The following RIF1 variants were observed in gnomAD, a reference collection of about 807,000 sequenced individuals.
RIF1 encodes the protein replication timing regulatory factor 1, also known as telomere-associated protein RIF1.
Under a neutral mutation model 247.1 loss-of-function variants are expected in RIF1, and 45 were observed. The observed-to-expected ratio is 0.18, with a 90% CI of 0.14 to 0.23. The LOEUF (loss-of-function observed/expected upper bound fraction) is 0.23, where lower values mean the gene tolerates loss of function less well. Ranked by LOEUF, RIF1 falls within the 10% of genes least tolerant of loss-of-function variation. RIF1 has a pLI of 1.00. For synonymous variants in RIF1, 1,087 were observed against 978.8 expected (o/e 1.11, Z -2.06); for missense variants, 2,967 against 2,862.5 (o/e 1.04, Z -0.83).
chr2:151,429,341 C>T (rs908787094), intron 9 of RIF1, among the ~76,000 whole-genome samples: 1 of 152,080 alleles, frequency 6.6e-6, no homozygotes, highest in African/African-American at 2.4e-5. Context: ...CCACTACACC[C>T]GGCTAATTTG....
At chr2:151,415,621 C>G (rs987422285) in intron 4 of RIF1, among the ~76,000 whole-genome samples, 1 of 147,372 alleles carries the variant, frequency 6.8e-6, no homozygotes, top group African/African-American at 2.5e-5. Flanking sequence ...TGCCTGTAAT[C>G]CCAGCACTTT....
intron 9 of RIF1, chr2:151,495,050 C>T (rs888879276): frequency 2.0e-5 from 3 of 152,258 alleles, no homozygotes; most frequent in African/African-American, 7.2e-5. Context: ...GTTTCCCCTA[C>T]CCTCTTTTTC....
rs766060407 is a variant in RIF1 at position 151,416,567 on chromosome 2, A to G, written c.287A>G (p.Asn96Ser). The change falls in exon 5 of 36, where the codon AAT becomes AGT. Residue 96 changes from asparagine (N) to serine (S), a missense_variant. Around this residue, in one of 7 missense-constraint regions of RIF1, gnomAD observed 269 missense variants for 288.6 expected, o/e 0.93. Transcript: ENST00000444746. ...AAAACTGCTTGTTTTTCAGAGGCAAATGCTCTAGAATTGCTTTCAAAATTG... is the reference window on the plus strand; with the variant it reads ...AAAACTGCTTGTTTTTCAGAGGCAAGTGCTCTAGAATTGCTTTCAAAATTG... Reference protein sequence around the residue: ...PKITSELSEANALELLSKLND... With the variant: ...PKITSELSEASALELLSKLND... 5 of 1,590,970 alleles carry G rather than the reference A, an allele frequency of 3.1e-6. No individual in the cohort carries two copies. Among genetic ancestry groups the G allele is most frequent in the East Asian group, 4.5e-5 (2 of 44,656 alleles).
chr2:151,519,448 G>A, the RIF1 span, among the ~76,000 whole-genome samples: 7 of 152,202 alleles, frequency 4.6e-5, no homozygotes, highest in African/African-American at 1.2e-4. Context: ...ACAAAAAGTA[G>A]ATAAGAGGTT....
the RIF1 span, among the ~76,000 whole-genome samples, chr2:151,522,267 GA>G: frequency 6.6e-6 from 1 of 152,102 alleles, no homozygotes; most frequent in East Asian, 1.9e-4. Context: ...ACAGTCCCGA[GA>G]ATTAGAAAAG....
At chr2:151,498,291 C>T in intron 10 of RIF1, 1 of 1,551,532 alleles carries the variant, frequency 6.4e-7, no homozygotes, top group Non-Finnish European at 8.7e-7. Context: ...GTGTTTGACT[C>T]TCTGCATCTC....
intron 10 of RIF1, chr2:151,499,302 C>G: frequency 6.7e-7 from 1 of 1,484,642 alleles, no homozygotes; most frequent in Non-Finnish European, 9.1e-7. Flanking sequence ...AAATACCGAA[C>G]TAAAGTTTTC....
chr2:151,459,968 T>C (rs1695873248), intron 25 of RIF1, 32 bp from the exon 26 acceptor site: 1 of 1,480,144 alleles, frequency 6.8e-7, no homozygotes, highest in Admixed American at 2.4e-5. Flanking sequence ...ACCGTTCTAT[T>C]TAATGAAATT....
At chr2:151,521,339 C>T in the RIF1 span, among the ~76,000 whole-genome samples, 217 of 152,220 alleles carry the variant, frequency 1.4e-3, 1 homozygote, top group African/African-American at 5.0e-3. Flanking sequence ...CTGAGACACA[C>T]AAAGTAAAGG....
At chr2:151,506,427 A>T (rs2068903362) in intron 13 of RIF1, 5 of 597,004 alleles carry the variant, frequency 8.4e-6, no homozygotes, top group Non-Finnish European at 1.5e-5. Flanking sequence ...TCAGTGACTC[A>T]GACCAGTTAT....
At position 151,501,368 on chromosome 2, in the gene RIF1, T is replaced by A. The variant is rs2064404059; in HGVS notation, c.*710-1666T>A. The A allele has an allele frequency of 2.1e-6, 3 of 1,438,684 alleles. No individual in the cohort carries two copies. In the East Asian group the frequency reaches 7.4e-5, roughly 36 times the overall value. The allele number at this position is 1,438,684 out of a possible 1,614,324, so 89.1% of individuals were successfully genotyped here. On this transcript the variant is annotated intron_variant and NMD_transcript_variant, in intron 11 of 13. Coordinates refer to the RIF1 transcript ENST00000454583. ...GAAATTATTATTTTTTAATATGGAGTTAAAGAGCTTTCTCCCAAATACCGA... is the reference window on the plus strand; with the variant it reads ...GAAATTATTATTTTTTAATATGGAGATAAAGAGCTTTCTCCCAAATACCGA...
intron 10 of RIF1, chr2:151,498,378 C>A: frequency 2.7e-6 from 4 of 1,472,800 alleles, no homozygotes; most frequent in Admixed American, 4.2e-5. Context: ...GCATCCAGAA[C>A]AAAAAAAGCA....
chr2:151,503,222 A>G, intron 12 of RIF1: 1 of 710,162 alleles, frequency 1.4e-6, no homozygotes, highest in Non-Finnish European at 2.4e-6. Context: ...TTGGTCAGGT[A>G]ATAATACACA....
chr2:151,509,796 G>T (rs1423935800), downstream of RIF1, among the ~76,000 whole-genome samples: 1 of 152,062 alleles, frequency 6.6e-6, no homozygotes, highest in East Asian at 1.9e-4. Context: ...ACCAGCTAAT[G>T]ATGGGGTTTC....
At chr2:151,502,373 T>TAAAC (rs1203353906) in intron 11 of RIF1, among the ~76,000 whole-genome samples, 1 of 127,348 alleles carries the variant, frequency 7.9e-6, no homozygotes, top group Admixed American at 9.0e-5. Context: ...GAAAAATAAA[T>TAAAC]AAACATCTAA....
chr2:151,443,207 C>G, intron 16 of RIF1, 52 bp from the exon 17 acceptor site: 1 of 1,139,104 alleles, frequency 8.8e-7, no homozygotes, highest in Non-Finnish European at 1.3e-6. Flanking sequence ...TTATAAAAAA[C>G]AAATGTTCTA....
At chr2:151,472,695 C>G (rs925098732) in intron 34 of RIF1, among the ~76,000 whole-genome samples, 1 of 152,172 alleles carries the variant, frequency 6.6e-6, no homozygotes, top group Non-Finnish European at 1.5e-5. Flanking sequence ...ATATGTTGAA[C>G]CAGCCTTGCA....
intron 24 of RIF1, 127 bp downstream of exon 24, chr2:151,458,090 C>G (rs1472310327): frequency 6.6e-6 from 4 of 609,164 alleles, no homozygotes; most frequent in Non-Finnish European, 1.1e-5. Context: ...GAAATATTAC[C>G]ATTTGGAATA....
At chr2:151,413,146 C>T (rs1303825216) in intron 3 of RIF1, among the ~76,000 whole-genome samples, 1 of 151,782 alleles carries the variant, frequency 6.6e-6, no homozygotes, top group Non-Finnish European at 1.5e-5. Context: ...CCTGCCTCAG[C>T]CTCTCAAGTA....
Sources: gnomAD v4.1 joint callset for allele counts (sites outside exome capture counted in the v4.1 genomes callset) on GRCh38, gnomAD v4.1.1 for gene constraint, gnomAD v4.1.1 regional missense constraint, MANE v1.5 for transcripts, NCBI Gene and HGNC (gene_info 2026-07-23, HGNC 2026-07-21) for gene names.